The following FGF1 variants were observed in gnomAD, a reference collection of about 807,000 sequenced individuals.
The protein encoded by FGF1 is fibroblast growth factor 1.
Under a neutral mutation model 13.4 loss-of-function variants are expected in FGF1, and 9 were observed. The ratio of observed to expected loss-of-function variants is 0.67; its 90% CI spans 0.40 to 1.17. The LOEUF is 1.17. Ranked by LOEUF, FGF1 falls within the 50% of genes most tolerant of loss-of-function variation. FGF1 has a pLI of 0.01. For missense variants in FGF1, 156 were observed against 192.7 expected (o/e 0.81, Z 1.13); for synonymous variants, 93 against 79.0 (o/e 1.18, Z -0.94).
At chr5:142,645,592 A>G (rs539248981) in intron 1 of FGF1, among the ~76,000 whole-genome samples, 1 of 152,332 alleles carries the variant, frequency 6.6e-6, no homozygotes, top group East Asian at 1.9e-4. Flanking sequence ...CTACAGAGGC[A>G]TTGGGATAAG....
At chr5:142,686,457 G>A (rs1016622843), upstream of FGF1, 2 of 152,296 alleles carry the variant, frequency 1.3e-5, no homozygotes, top group South Asian at 2.1e-4. Context: ...TTTTAACGTG[G>A]TTTGTCTTGG....
intron 1 of FGF1, among the ~76,000 whole-genome samples, chr5:142,658,663 G>C (rs1561688173): frequency 6.6e-6 from 1 of 152,188 alleles, no homozygotes; most frequent in Non-Finnish European, 1.5e-5. Flanking sequence ...AAAATTGTCA[G>C]TTGTGTTTTG....
chr5:142,652,571 G>T (rs2151977997), intron 1 of FGF1, among the ~76,000 whole-genome samples: 1 of 152,302 alleles, frequency 6.6e-6, no homozygotes, highest in South Asian at 2.1e-4. Flanking sequence ...AAGGGCCCAG[G>T]AGCCCCATGG....
intron 1 of FGF1, among the ~76,000 whole-genome samples, chr5:142,666,472 A>G (rs1316987880): frequency 1.3e-5 from 2 of 152,248 alleles, no homozygotes; most frequent in East Asian, 3.8e-4. Context: ...GTGTTAGACA[A>G]GAATCCCAAC....
intron 1 of FGF1, among the ~76,000 whole-genome samples, chr5:142,659,487 A>C (rs1038971082): frequency 6.6e-6 from 1 of 152,116 alleles, no homozygotes; most frequent in Non-Finnish European, 1.5e-5. Flanking sequence ...TCAGCCTCCC[A>C]AAGTATTACA....
rs971518742 is a variant in FGF1 at position 142,594,941 on chromosome 5, T to C, written c.*349A>G. The C allele has an allele frequency of 1.0e-5, 2 of 198,778 alleles. No individual in the cohort carries two copies. The highest frequency in any genetic ancestry group is 1.3e-4 in the East Asian group (1 of 7,886). 12.3% of individuals were successfully genotyped at this position (198,778 alleles called of 1,614,324 possible). ...GGGTTTACTCAGTAGAGGGAAATAG[T>C]GTGCAGTTACTAATGTCCCACTTAG... On this transcript the variant is annotated 3_prime_UTR_variant, in exon 4 of 4. Coordinates refer to ENST00000337706, the MANE Select transcript of FGF1 (RefSeq NM_000800.5).
At chr5:142,673,208 T>G (rs1771838688) in intron 1 of FGF1, among the ~76,000 whole-genome samples, 1 of 152,156 alleles carries the variant, frequency 6.6e-6, no homozygotes, top group African/African-American at 2.4e-5. Context: ...TGCAGGTGAG[T>G]GGCATCACTC....
intron 1 of FGF1, among the ~76,000 whole-genome samples, chr5:142,669,196 G>A (rs1266036310): frequency 6.6e-6 from 1 of 152,244 alleles, no homozygotes; most frequent in Non-Finnish European, 1.5e-5. Flanking sequence ...TGAAAGTGGA[G>A]CCAGTGGAGA....
intron 1 of FGF1, among the ~76,000 whole-genome samples, chr5:142,634,831 A>G (rs934452529): frequency 6.6e-6 from 1 of 151,542 alleles, no homozygotes; most frequent in African/African-American, 2.4e-5. Context: ...GTGCCTTTCC[A>G]TGGAGAAGAG....
intron 2 of FGF1, among the ~76,000 whole-genome samples, chr5:142,608,581 TATAC>T (rs1299802949): frequency 0.034 from 2,127 of 63,014 alleles, 13 homozygotes; most frequent in East Asian, 0.071. Flanking sequence ...TATATATATA[TATAC>T]ACACACACAC....
chr5:142,611,153 A>C (rs938435457), intron 2 of FGF1, among the ~76,000 whole-genome samples: 3 of 151,984 alleles, frequency 2.0e-5, no homozygotes, highest in African/African-American at 7.3e-5. Context: ...GATCACATTT[A>C]GTCAGGGAGC....
intron 1 of FGF1, among the ~76,000 whole-genome samples, chr5:142,672,399 T>C (rs541893429): frequency 7.4e-4 from 113 of 152,156 alleles, no homozygotes; most frequent in African/African-American, 2.6e-3. Flanking sequence ...GCACTGTATA[T>C]TCAAAACAAT....
rs141263736 is a variant in FGF1 at position 142,635,740 on chromosome 5, G to C, written c.-34-21579C>G. ...GGGTTCTGACTTGCTGGGCTGAGTCGGGGCTGGCACCCACATGTTCAACAA... is the reference window on the plus strand; with the variant it reads ...GGGTTCTGACTTGCTGGGCTGAGTCCGGGCTGGCACCCACATGTTCAACAA... On this transcript the variant is annotated intron_variant, in intron 1 of 3. Coordinates refer to ENST00000337706, the MANE Select transcript of FGF1 (RefSeq NM_000800.5). Among the ~76,000 whole-genome samples the C allele has an allele frequency of 2.6e-5, 4 of 152,180 alleles. No individual in the cohort carries two copies. The East Asian group carries it at 7.7e-4, about 29-fold the overall frequency.
intron 1 of FGF1, chr5:142,626,950 C>G (rs1408467427): frequency 1.3e-5 from 2 of 152,238 alleles, no homozygotes; most frequent in African/African-American, 4.8e-5. Context: ...TGTAACCTTT[C>G]TGGTCCCCAG....
At chr5:142,607,188 C>A (rs1302136548) in intron 2 of FGF1, among the ~76,000 whole-genome samples, 4 of 152,108 alleles carry the variant, frequency 2.6e-5, no homozygotes, top group African/African-American at 4.8e-5. Flanking sequence ...AAAGGTGGGT[C>A]TTCTTGGGGG....
chr5:142,695,083 C>T lies in FGF1; in HGVS notation c.-35+2539G>A, dbSNP rs114280381. Among the ~76,000 whole-genome samples the T allele has an allele frequency of 4.3e-3, 658 of 152,296 alleles. 8 individuals carry two copies. The highest frequency in any genetic ancestry group is 0.015 in the African/African-American group (628 of 41,554). On this transcript the variant is annotated intron_variant, in intron 2 of 4. Transcript: ENST00000407758. ...GTGGCATCCTGGGTTATAGTCTGCA[C>T]ATCACCACTTACTAGATGTATAATT...
chr5:142,650,785 C>A (rs1411086474), intron 1 of FGF1, among the ~76,000 whole-genome samples: 1 of 152,228 alleles, frequency 6.6e-6, no homozygotes, highest in East Asian at 1.9e-4. Flanking sequence ...CCGAAACATG[C>A]AGTCCCCATT....
At chr5:142,694,756 A>AC (rs1752839742) in intron 2 of FGF1, among the ~76,000 whole-genome samples, 1 of 151,738 alleles carries the variant, frequency 6.6e-6, no homozygotes, top group Admixed American at 6.6e-5. Flanking sequence ...AGACCACCCT[A>AC]CCCCCGTTTA....
intron 1 of FGF1, among the ~76,000 whole-genome samples, chr5:142,654,708 G>A (rs1392250320): frequency 1.3e-5 from 2 of 152,140 alleles, no homozygotes; most frequent in South Asian, 2.1e-4. Context: ...TGCTGTCTTC[G>A]ACTCCATGAA....
Sources: gnomAD v4.1 joint callset for allele counts (sites outside exome capture counted in the v4.1 genomes callset) on GRCh38, gnomAD v4.1.1 for gene constraint, MANE v1.5 for transcripts, NCBI Gene and HGNC (gene_info 2026-07-23, HGNC 2026-07-21) for gene names.